EYS: variants seen among roughly 807,000 people sequenced by gnomAD.
EYS encodes the protein EGF-like photoreceptor maintenance factor.
A neutral mutation model predicts 282.1 loss-of-function variants in EYS; 250 were observed. The observed-to-expected ratio is 0.89, with a 90% confidence interval of 0.80 to 0.98. The LOEUF is 0.98. Ranked by LOEUF, EYS falls within the 50% of genes least tolerant of loss-of-function variation. EYS has a pLI of 0.00. For missense variants in EYS, 4,016 were observed against 3,709.0 expected, an observed-to-expected ratio of 1.08 and a Z score of -2.15; for synonymous variants, 1,355 against 1,282.9, an observed-to-expected ratio of 1.06 and a Z score of -1.20.
intron 30 of EYS, among the ~76,000 whole-genome samples, chr6:64,294,860 C>T (rs1010871441): frequency 7.9e-5 from 12 of 152,046 alleles, no homozygotes; most frequent in African/African-American, 2.9e-4. Flanking sequence ...GAATTACATG[C>T]CTTTTTAATA....
At chr6:65,163,950 T>A (rs1236544175) in intron 12 of EYS, among the ~76,000 whole-genome samples, 1 of 151,268 alleles carries the variant, frequency 6.6e-6, no homozygotes, top group Non-Finnish European at 1.5e-5. Flanking sequence ...CAAGTTTGCC[T>A]GGTTCTTATC....
chr6:64,391,101 G>A (rs560649582), intron 28 of EYS, among the ~76,000 whole-genome samples: 75 of 152,278 alleles, frequency 4.9e-4, no homozygotes, highest in African/African-American at 1.8e-3. Context: ...AAGGAGCAAA[G>A]CCTCCAAGAA....
At chr6:64,662,300 G>T (rs1769060925) in intron 22 of EYS, among the ~76,000 whole-genome samples, 1 of 151,762 alleles carries the variant, frequency 6.6e-6, no homozygotes, top group South Asian at 2.1e-4. Flanking sequence ...GAGTTACTGG[G>T]TGCAGCATAC....
intron 2 of EYS, among the ~76,000 whole-genome samples, chr6:65,628,153 T>C (rs2149806294): frequency 6.6e-6 from 1 of 152,272 alleles, no homozygotes; most frequent in East Asian, 1.9e-4. Context: ...GGAGAACCTT[T>C]ATGTCTAGCT....
chr6:64,976,223 C>CT (rs1770471172), intron 14 of EYS, among the ~76,000 whole-genome samples: 1 of 151,836 alleles, frequency 6.6e-6, no homozygotes, highest in Non-Finnish European at 1.5e-5. Context: ...TCAACAGCCT[C>CT]TTTTTTGCTG....
intron 2 of EYS, among the ~76,000 whole-genome samples, chr6:65,553,047 A>C (rs1480091389): frequency 6.6e-6 from 1 of 152,164 alleles, no homozygotes; most frequent in African/African-American, 2.4e-5. Flanking sequence ...TCTCACCTGA[A>C]TTTATATGAT....
chr6:65,495,309 T>C lies in EYS; in HGVS notation c.102A>G (p.Pro34=). The change falls in exon 4 of 43, where the codon CCA becomes CCG. Residue 34 remains proline (P), a synonymous_variant. Transcript: ENST00000503581. Reference sequence around the variant, plus strand: ...AATTTACCACATATGATGAGGGTTGTGGATGCCATTCTTCCACCAATTGCC... The same window carrying C: ...AATTTACCACATATGATGAGGGTTGCGGATGCCATTCTTCCACCAATTGCC... ...CRRQLVEEWH[P]QPSSYVVNWT... 1 of 1,614,090 alleles carries C rather than the reference T, an allele frequency of 6.2e-7. No homozygotes were observed. The highest frequency in any genetic ancestry group is 8.5e-7 in the Non-Finnish European group (1 of 1,180,018).
At chr6:65,595,335 G>A (rs1365796088) in intron 2 of EYS, among the ~76,000 whole-genome samples, 7 of 151,972 alleles carry the variant, frequency 4.6e-5, no homozygotes, top group Admixed American at 1.3e-4. Flanking sequence ...AGGTGGACAG[G>A]GGAGGGATAG....
intron 12 of EYS, among the ~76,000 whole-genome samples, chr6:65,067,256 A>C (rs1237821310): frequency 6.6e-6 from 1 of 152,140 alleles, no homozygotes; most frequent in African/African-American, 2.4e-5. Flanking sequence ...CTTAAAATAC[A>C]TATGTCTACA....
intron 35 of EYS, among the ~76,000 whole-genome samples, chr6:63,924,291 T>G (rs1764653700): frequency 6.6e-6 from 1 of 152,162 alleles, no homozygotes; most frequent in Non-Finnish European, 1.5e-5. Flanking sequence ...CAAAACTCAG[T>G]TTAATACCAG....
chr6:64,699,820 A>G (rs1286761516), intron 22 of EYS, among the ~76,000 whole-genome samples: 1 of 152,086 alleles, frequency 6.6e-6, no homozygotes, highest in Non-Finnish European at 1.5e-5. Context: ...TTCGAAGAGA[A>G]GGGAATCCTC....
intron 30 of EYS, among the ~76,000 whole-genome samples, chr6:64,293,689 A>G (rs1768796753): frequency 6.6e-6 from 1 of 152,140 alleles, no homozygotes; most frequent in African/African-American, 2.4e-5. Context: ...ATTTTTTAAA[A>G]TTATCCATAT....
At chr6:64,457,276 T>C (rs1238099279) in intron 26 of EYS, among the ~76,000 whole-genome samples, 1 of 152,026 alleles carries the variant, frequency 6.6e-6, no homozygotes, top group Non-Finnish European at 1.5e-5. Context: ...CTTTTTGTGG[T>C]TTTATATATG....
chr6:64,183,294 G>A (rs1029735282), intron 31 of EYS, among the ~76,000 whole-genome samples: 1 of 152,094 alleles, frequency 6.6e-6, no homozygotes, highest in African/African-American at 2.4e-5. Context: ...TTTATTAGCA[G>A]CATGAGAATG....
chr6:64,688,133 T>C (rs1232350070), intron 22 of EYS, among the ~76,000 whole-genome samples: 1 of 152,078 alleles, frequency 6.6e-6, no homozygotes, highest in African/African-American at 2.4e-5. Context: ...TTATTAGTCT[T>C]GCTAGCGGTC....
At chr6:65,047,135 T>C (rs1189338705) in intron 13 of EYS, among the ~76,000 whole-genome samples, 1 of 151,780 alleles carries the variant, frequency 6.6e-6, no homozygotes, top group Non-Finnish European at 1.5e-5. Context: ...CTCAGGTAAT[T>C]CTTTATAGCA....
intron 22 of EYS, among the ~76,000 whole-genome samples, chr6:64,801,040 G>A (rs943313782): frequency 6.6e-6 from 1 of 151,806 alleles, no homozygotes; most frequent in African/African-American, 2.4e-5. Flanking sequence ...TTATCTCATT[G>A]TTTCTTTTAA....
chr6:64,080,250 T>C (rs1771918163), intron 32 of EYS, among the ~76,000 whole-genome samples: 1 of 152,198 alleles, frequency 6.6e-6, no homozygotes, highest in African/African-American at 2.4e-5. Context: ...TGATTGCCAT[T>C]CTAACTGGTG....
At chr6:64,240,317 T>C (rs1270563988) in intron 30 of EYS, among the ~76,000 whole-genome samples, 1 of 152,172 alleles carries the variant, frequency 6.6e-6, no homozygotes, top group Admixed American at 6.6e-5. Flanking sequence ...TTGATAGGGA[T>C]AGCATGAATT....
Sources: gnomAD v4.1 joint callset for allele counts (sites outside exome capture counted in the v4.1 genomes callset) on GRCh38, gnomAD v4.1.1 for gene constraint, MANE v1.5 for transcripts, NCBI Gene and HGNC (gene_info 2026-07-23, HGNC 2026-07-21) for gene names.